EXOC4: variants seen among roughly 807,000 people sequenced by gnomAD.
The protein encoded by EXOC4 is SEC8-like 1.
EXOC4 carries 71 observed loss-of-function variants against 107.2 expected under a neutral mutation model. The observed-to-expected ratio is 0.66, with a 90% confidence interval of 0.55 to 0.81. The LOEUF is 0.81. Among genes scored for constraint, EXOC4 ranks in the 30% least tolerant of loss-of-function variants. The probability of loss-of-function intolerance (pLI) is 0.00; values close to 1 mark genes in which losing one functional copy is unlikely to be tolerated. For synonymous variants in EXOC4, 456 were observed against 441.2 expected, an observed-to-expected ratio of 1.03 and a Z score of -0.42; for missense variants, 1,108 against 1,189.6, an observed-to-expected ratio of 0.93 and a Z score of 1.01.
intron 10 of EXOC4, among the ~76,000 whole-genome samples, chr7:133,775,880 A>G (rs1796334799): frequency 6.6e-6 from 1 of 152,186 alleles, no homozygotes; most frequent in Non-Finnish European, 1.5e-5. Context: ...TCTTCACTTC[A>G]GGAAAGGATT....
intron 10 of EXOC4, among the ~76,000 whole-genome samples, chr7:133,807,214 A>G (rs1797099297): frequency 6.6e-6 from 1 of 152,148 alleles, no homozygotes; most frequent in Non-Finnish European, 1.5e-5. Context: ...AAGAACTGTC[A>G]GCTGTTAATG....
intron 14 of EXOC4, among the ~76,000 whole-genome samples, chr7:133,991,506 T>C (rs552841610): frequency 6.6e-6 from 1 of 152,310 alleles, no homozygotes; most frequent in South Asian, 2.1e-4. Flanking sequence ...TTTGAGGTCT[T>C]ACCCAAAAAT....
chr7:133,604,427 A>G (rs1210755040), intron 9 of EXOC4, among the ~76,000 whole-genome samples: 1 of 152,118 alleles, frequency 6.6e-6, no homozygotes, highest in Non-Finnish European at 1.5e-5. Flanking sequence ...TCACTACAAT[A>G]TGTAAGTATT....
At chr7:133,629,668 G>C (rs1264646243) in intron 9 of EXOC4, among the ~76,000 whole-genome samples, 1 of 151,796 alleles carries the variant, frequency 6.6e-6, no homozygotes. Flanking sequence ...AACCTCCCAA[G>C]TAGCTGGGAC....
intron 10 of EXOC4, among the ~76,000 whole-genome samples, chr7:133,645,291 A>G (rs567650481): frequency 1.2e-3 from 189 of 151,264 alleles, no homozygotes; most frequent in African/African-American, 4.3e-3. Flanking sequence ...TGGGGTTTTC[A>G]CTGTGTTAGC....
intron 9 of EXOC4, among the ~76,000 whole-genome samples, chr7:133,496,961 A>G (rs944500756): frequency 1.3e-5 from 2 of 152,190 alleles, no homozygotes; most frequent in Admixed American, 6.5e-5. Context: ...AAAAGAGACA[A>G]AAAGCAGCAG....
In EXOC4 at chr7:133,571,530, C is replaced by T. The variant is rs141094666; in HGVS notation, c.1418-58515C>T. ...CTAAATATACAAAAACTTAGCCAGG[C>T]ATGGTGTCATGCGCCTGTAGTCCTA... On this transcript the variant is annotated intron_variant, in intron 9 of 17. Coordinates refer to ENST00000253861, the MANE Select transcript of EXOC4 (RefSeq NM_021807.4). Among the ~76,000 whole-genome samples, 85 of 152,140 alleles carry T rather than the reference C, an allele frequency of 5.6e-4. 1 individual carries two copies. The East Asian group carries it at 0.016, about 28-fold the overall frequency.
chr7:133,811,540 A>G (rs928722690), intron 10 of EXOC4, among the ~76,000 whole-genome samples: 3 of 152,260 alleles, frequency 2.0e-5, no homozygotes, highest in Non-Finnish European at 4.4e-5. Flanking sequence ...CAATATTTTA[A>G]TTTGTGGAAA....
At chr7:133,766,212 A>G (rs1177343566) in intron 10 of EXOC4, among the ~76,000 whole-genome samples, 1 of 152,010 alleles carries the variant, frequency 6.6e-6, no homozygotes, top group Non-Finnish European at 1.5e-5. Context: ...ATTACTATGT[A>G]AGAACTATGA....
chr7:133,879,430 A>C (rs1035504659), intron 11 of EXOC4, among the ~76,000 whole-genome samples: 12 of 152,204 alleles, frequency 7.9e-5, no homozygotes, highest in Non-Finnish European at 2.9e-5. Flanking sequence ...TACATTTATT[A>C]GCTGGTATTC....
At chr7:133,773,216 C>A (rs548128733) in intron 10 of EXOC4, among the ~76,000 whole-genome samples, 1 of 151,978 alleles carries the variant, frequency 6.6e-6, no homozygotes, top group East Asian at 1.9e-4. Flanking sequence ...AGAGACATGC[C>A]CACTCAAGCC....
intron 10 of EXOC4, among the ~76,000 whole-genome samples, chr7:133,710,681 T>C (rs1304163214): frequency 1.3e-5 from 2 of 151,050 alleles, no homozygotes; most frequent in East Asian, 3.9e-4. Flanking sequence ...AAAAAAAAGT[T>C]GGTAGTTGCA....
intron 5 of EXOC4, among the ~76,000 whole-genome samples, chr7:133,323,026 G>A (rs1461930269): frequency 3.9e-5 from 6 of 152,152 alleles, no homozygotes; most frequent in African/African-American, 7.2e-5. Context: ...TGTTATTGGT[G>A]TATAGGAATG....
At chr7:133,381,916 T>TA (rs916413885) in intron 7 of EXOC4, among the ~76,000 whole-genome samples, 2 of 152,144 alleles carry the variant, frequency 1.3e-5, no homozygotes, top group African/African-American at 4.8e-5. Flanking sequence ...GGGAACATAT[T>TA]AAAAAATGCA....
chr7:133,509,531 T>A (rs1275128621), intron 9 of EXOC4, among the ~76,000 whole-genome samples: 1 of 148,066 alleles, frequency 6.8e-6, no homozygotes, highest in Non-Finnish European at 1.5e-5. Flanking sequence ...CCCTTCCTCT[T>A]CCTCTCTCCC....
rs189063475 is a variant in EXOC4 at position 133,597,615 on chromosome 7, C to T, written c.1418-32430C>T. On this transcript the variant is annotated intron_variant, in intron 9 of 17. Coordinates refer to ENST00000253861, the MANE Select transcript of EXOC4 (RefSeq NM_021807.4). ...CCCGAATCCTTGGAAAGTTAGGCTT[C>T]TTCTAGATCATTCTTCGGCTATACA... 6.0e-5 allele frequency among the ~76,000 whole-genome samples: 9 copies of T among 149,050 alleles called. No individual in the cohort carries two copies. In the East Asian group the frequency reaches 1.6e-3, roughly 27 times the overall value.
chr7:133,866,877 T>C (rs1798652188), intron 11 of EXOC4, among the ~76,000 whole-genome samples: 1 of 152,252 alleles, frequency 6.6e-6, no homozygotes, highest in African/African-American at 2.4e-5. Flanking sequence ...GAGAGCTTTA[T>C]AAGAGTTGTG....
chr7:133,529,794 T>C (rs1270350469), intron 9 of EXOC4, among the ~76,000 whole-genome samples: 2 of 152,206 alleles, frequency 1.3e-5, no homozygotes, highest in African/African-American at 4.8e-5. Flanking sequence ...CACTTTTATC[T>C]GGAGATTCAG....
the EXOC4 span, among the ~76,000 whole-genome samples, chr7:134,081,170 C>G: frequency 6.6e-6 from 1 of 152,016 alleles, no homozygotes; most frequent in Admixed American, 6.6e-5. Context: ...TGGCACAACC[C>G]CATCTCTACT....
Sources: allele counts gnomAD v4.1 joint callset (sites outside exome capture counted in the v4.1 genomes callset), GRCh38; gene constraint gnomAD v4.1.1; transcripts MANE v1.5; gene names NCBI Gene and HGNC (gene_info 2026-07-23, HGNC 2026-07-21).